Variants in SPIDR observed in about 807,000 individuals in gnomAD.
SPIDR encodes DNA repair-scaffolding protein.
In SPIDR, 93 loss-of-function variants were observed where a neutral mutation model predicts 104.6. The observed-to-expected ratio is 0.89, with a 90% CI of 0.75 to 1.06. The LOEUF is 1.06. SPIDR is among the 50% of genes least tolerant of loss of function. The pLI, the probability that SPIDR is intolerant of heterozygous loss-of-function variation, is 0.00. For missense variants in SPIDR, 1,154 were observed against 1,111.2 expected (o/e 1.04, Z -0.55); for synonymous variants, 431 against 416.9 (o/e 1.03, Z -0.41).
chr8:47,646,241 A>G (rs1478816575), intron 10 of SPIDR, among the ~76,000 whole-genome samples: 4 of 152,218 alleles, frequency 2.6e-5, no homozygotes, highest in Non-Finnish European at 5.9e-5. Flanking sequence ...AATTTTGCAG[A>G]AATCTAAAAT....
chr8:47,287,632 G>C (rs1448915435), intron 3 of SPIDR, among the ~76,000 whole-genome samples: 1 of 152,092 alleles, frequency 6.6e-6, no homozygotes, highest in Non-Finnish European at 1.5e-5. Context: ...TTCCCTACTT[G>C]CATGTCCGTT....
At position 47,549,906 on chromosome 8, in the gene SPIDR, A is replaced by T. The variant is rs541245325; in HGVS notation, c.1098-45905A>T. 7.2e-5 allele frequency among the ~76,000 whole-genome samples: 11 copies of T among 152,278 alleles called. No individual in the cohort carries two copies. The East Asian group carries it at 2.1e-3, about 29-fold the overall frequency. On this transcript the variant is annotated intron_variant, in intron 8 of 19. Transcript: ENST00000297423. Reference sequence around the variant, plus strand: ...GGGTTTTTATGGTTTTAGGTCTAACATTTAAGTCTTTAATCCATCTTGAAT... The same window carrying T: ...GGGTTTTTATGGTTTTAGGTCTAACTTTTAAGTCTTTAATCCATCTTGAAT...
chr8:47,326,077 T>G (rs1408178348), intron 5 of SPIDR, among the ~76,000 whole-genome samples: 2 of 152,164 alleles, frequency 1.3e-5, no homozygotes, highest in African/African-American at 2.4e-5. Context: ...CACTGCAGCC[T>G]CCACCTCCCC....
chr8:47,357,100 A>C (rs2054702608), intron 5 of SPIDR, among the ~76,000 whole-genome samples: 1 of 152,242 alleles, frequency 6.6e-6, no homozygotes, highest in Admixed American at 6.5e-5. Context: ...TCTACTAGTC[A>C]GTTTAAGTTG....
At chr8:47,440,232 A>C (rs2069146074) in intron 7 of SPIDR, 91 bp from the exon 8 acceptor site, 40 of 1,118,194 alleles carry the variant, frequency 3.6e-5, no homozygotes, top group Non-Finnish European at 5.1e-5. Flanking sequence ...TGCTATCTGC[A>C]TGTGGATCTT....
chr8:47,363,864 GTC>G (rs1329029025), intron 5 of SPIDR, among the ~76,000 whole-genome samples: 1 of 145,350 alleles, frequency 6.9e-6, no homozygotes, highest in Non-Finnish European at 1.5e-5. Flanking sequence ...TTCTCTCTCT[GTC>G]TCTCTCTCTT....
intron 10 of SPIDR, among the ~76,000 whole-genome samples, chr8:47,651,971 G>C (rs1408499129): frequency 6.6e-6 from 1 of 151,962 alleles, no homozygotes; most frequent in African/African-American, 2.4e-5. Context: ...AGTGGGAGAG[G>C]GTGAAGAATA....
At chr8:47,616,030 A>G (rs1019638476) in intron 10 of SPIDR, among the ~76,000 whole-genome samples, 1 of 152,134 alleles carries the variant, frequency 6.6e-6, no homozygotes, top group Non-Finnish European at 1.5e-5. Context: ...TTGATCTTGT[A>G]TCCTGCAACT....
chr8:47,495,772 A>C (rs1481525076), intron 8 of SPIDR, among the ~76,000 whole-genome samples: 1 of 152,118 alleles, frequency 6.6e-6, no homozygotes, highest in African/African-American at 2.4e-5. Flanking sequence ...CAGTTCTAGC[A>C]CCATTTTTGA....
At chr8:47,280,380 G>A (rs1288884522) in intron 2 of SPIDR, among the ~76,000 whole-genome samples, 5 of 144,858 alleles carry the variant, frequency 3.5e-5, no homozygotes, top group Non-Finnish European at 7.4e-5. Flanking sequence ...GGTATGTGCC[G>A]CCGTGCCTGG....
chr8:47,490,959 C>T (rs1363195401), intron 8 of SPIDR, among the ~76,000 whole-genome samples: 6 of 152,046 alleles, frequency 3.9e-5, no homozygotes, highest in African/African-American at 1.4e-4. Context: ...CAAACCTGCA[C>T]GTTGTGTACG....
chr8:47,332,998 A>C (rs962035600), intron 5 of SPIDR, among the ~76,000 whole-genome samples: 2 of 150,200 alleles, frequency 1.3e-5, no homozygotes, highest in Non-Finnish European at 2.9e-5. Flanking sequence ...GAAGCTCTTT[A>C]GTTTAATTAG....
At chr8:47,434,840 T>C (rs2067994860) in intron 7 of SPIDR, among the ~76,000 whole-genome samples, 1 of 152,350 alleles carries the variant, frequency 6.6e-6, no homozygotes, top group South Asian at 2.1e-4. Context: ...AGACTTGAGT[T>C]GACGTGAGTA....
At chr8:47,501,176 G>T (rs1307885208) in intron 8 of SPIDR, among the ~76,000 whole-genome samples, 1 of 152,180 alleles carries the variant, frequency 6.6e-6, no homozygotes, top group Non-Finnish European at 1.5e-5. Context: ...CCAATTCTGT[G>T]AAGAAAGTCA....
At chr8:47,392,741 G>A (rs2060749679) in intron 5 of SPIDR, among the ~76,000 whole-genome samples, 1 of 152,180 alleles carries the variant, frequency 6.6e-6, no homozygotes, top group African/African-American at 2.4e-5. Context: ...TCACAGCTGA[G>A]CACATGTACC....
chr8:47,502,231 T>C (rs1237297263), intron 8 of SPIDR, among the ~76,000 whole-genome samples: 2 of 152,224 alleles, frequency 1.3e-5, no homozygotes, highest in African/African-American at 4.8e-5. Context: ...AGCTCCTCCT[T>C]GTACCTCTGA....
At chr8:47,687,913 T>C (rs1461268812) in intron 11 of SPIDR, among the ~76,000 whole-genome samples, 1 of 151,718 alleles carries the variant, frequency 6.6e-6, no homozygotes, top group African/African-American at 2.4e-5. Context: ...AAGTAAAAAA[T>C]TAGCCGAGTG....
chr8:47,560,976 C>T (rs1485190989), intron 8 of SPIDR, among the ~76,000 whole-genome samples: 1 of 152,192 alleles, frequency 6.6e-6, no homozygotes, highest in Non-Finnish European at 1.5e-5. Context: ...AGAGGTAGTT[C>T]ACACCTAGCT....
chr8:47,650,666 GAATA>G (rs1440688641), intron 10 of SPIDR, among the ~76,000 whole-genome samples: 1 of 152,122 alleles, frequency 6.6e-6, no homozygotes, highest in Non-Finnish European at 1.5e-5. Flanking sequence ...TAAGCAAAAA[GAATA>G]AATCTGGAGG....
Sources: allele counts gnomAD v4.1 joint callset (sites outside exome capture counted in the v4.1 genomes callset), GRCh38; gene constraint gnomAD v4.1.1; transcripts MANE v1.5; gene names NCBI Gene and HGNC (gene_info 2026-07-23, HGNC 2026-07-21).